Variants in ZC3HC1 observed in about 807,000 individuals in gnomAD.
The protein encoded by ZC3HC1 is zinc finger C3HC-type containing 1.
ZC3HC1 carries 38 observed loss-of-function variants against 61.9 expected under a neutral mutation model. The ratio of observed to expected loss-of-function variants is 0.61; its 90% confidence interval spans 0.47 to 0.81. The LOEUF is 0.81. Ranked by LOEUF, ZC3HC1 falls within the 30% of genes least tolerant of loss-of-function variation. The pLI, the probability that ZC3HC1 is intolerant of heterozygous loss-of-function variation, is 0.00. For missense variants in ZC3HC1, 554 were observed against 622.7 expected (o/e 0.89, Z 1.17); for synonymous variants, 213 against 229.9 (o/e 0.93, Z 0.67).
intron 4 of ZC3HC1, among the ~76,000 whole-genome samples, chr7:130,033,134 G>A (rs1422155189): frequency 6.6e-6 from 1 of 151,968 alleles, no homozygotes; most frequent in Admixed American, 6.6e-5. Context: ...CCAAGCTTAC[G>A]CGATCTTGCC....
At position 130,051,202 on chromosome 7, in the gene ZC3HC1, G is replaced by A. The variant is rs1015258302; in HGVS notation, c.146+19C>T. ...TTCAATCTTCCAACGCCGGACCCAGGGTTAACTCGTGAACTCACGCGTCCA... is the reference window on the plus strand; with the variant it reads ...TTCAATCTTCCAACGCCGGACCCAGAGTTAACTCGTGAACTCACGCGTCCA... On this transcript the variant is annotated intron_variant, in intron 1 of 9. Transcript: ENST00000358303. The A allele has an allele frequency of 8.1e-6, 13 of 1,595,576 alleles. No homozygotes were observed. The highest frequency in any genetic ancestry group is 1.1e-5 in the Non-Finnish European group (13 of 1,172,758).
intron 4 of ZC3HC1, among the ~76,000 whole-genome samples, chr7:130,030,402 G>A (rs940825426): frequency 6.6e-6 from 1 of 151,986 alleles, no homozygotes; most frequent in East Asian, 1.9e-4. Flanking sequence ...GTTTCATCAT[G>A]TTGGCCAGGC....
Position 130,018,554 on chromosome 7 carries a change from TA to T in ZC3HC1, c.*109del. On this transcript the variant is annotated 3_prime_UTR_variant, in exon 10 of 10. Transcript: ENST00000358303. ...GCTATGGCAGGGGGCTCCTTATGAT[TA>T]ACCCAGAACAGGAAAAACTTAGTGT... The T allele has an allele frequency of 1.1e-6, 1 of 908,450 alleles. No individual in the cohort carries two copies. The highest frequency in any genetic ancestry group is 2.5e-5 in the East Asian group (1 of 40,810). 56.3% of individuals were successfully genotyped at this position (908,450 alleles called of 1,614,324 possible). A position where few individuals can be genotyped will look rare whatever the true frequency, so the allele number is the denominator to read the frequency against.
chr7:130,034,991 T>C (rs2116723242), intron 4 of ZC3HC1, among the ~76,000 whole-genome samples: 1 of 152,182 alleles, frequency 6.6e-6, no homozygotes, highest in Middle Eastern at 3.4e-3. Flanking sequence ...TCTTCTATTC[T>C]CCCCACAGGG....
intron 4 of ZC3HC1, among the ~76,000 whole-genome samples, chr7:130,033,445 C>CTTTTTTTT (rs3043729): frequency 3.6e-5 from 3 of 82,852 alleles, no homozygotes; most frequent in African/African-American, 5.0e-5. Context: ...CTATAGCATT[C>CTTTTTTTT]TTTTTTTTTT....
Position 130,020,188 on chromosome 7 carries a change from C to T in ZC3HC1, c.1441-1456G>A, listed in dbSNP as rs1292631926. On this transcript the variant is annotated intron_variant, in intron 9 of 9. Transcript: ENST00000358303. Reference sequence around the variant, plus strand: ...AAGTTCCAGGAGGAAAAAGTTTGAACTCTTACTAATGACTGAGGGAAATTT... The same window carrying T: ...AAGTTCCAGGAGGAAAAAGTTTGAATTCTTACTAATGACTGAGGGAAATTT... 7.9e-5 allele frequency among the ~76,000 whole-genome samples: 12 copies of T among 152,010 alleles called. No individual in the cohort carries two copies. The East Asian group carries it at 2.3e-3, about 29-fold the overall frequency.
Position 130,018,601 on chromosome 7 carries a change from A to C in ZC3HC1, c.*63T>G. 6 of 1,454,182 alleles carry C rather than the reference A, an allele frequency of 4.1e-6. No homozygotes were observed. In the South Asian group the frequency reaches 7.3e-5, roughly 18 times the overall value. The allele number at this position is 1,454,182 out of a possible 1,614,324, so 90.1% of individuals were successfully genotyped here. On this transcript the variant is annotated 3_prime_UTR_variant, in exon 10 of 10. Transcript: ENST00000358303. ...AGTGTCAGCTGACCGAAAGGAACTCAGCCTTAATTTTTCAAAAAGTCACTC... is the reference window on the plus strand; with the variant it reads ...AGTGTCAGCTGACCGAAAGGAACTCCGCCTTAATTTTTCAAAAAGTCACTC...
chr7:130,019,777 T>TACC, intron 9 of ZC3HC1, among the ~76,000 whole-genome samples: 1 of 151,144 alleles, frequency 6.6e-6, no homozygotes. Context: ...GATCCACAGT[T>TACC]ACCTCCAGTT....
At chr7:130,018,779 G>C in intron 9 of ZC3HC1, 47 bp from the exon 10 acceptor site, 1 of 1,512,660 alleles carries the variant, frequency 6.6e-7, no homozygotes, top group Non-Finnish European at 9.2e-7. Flanking sequence ...CTTTTATAGA[G>C]ACAAAGGATA....
intron 4 of ZC3HC1, among the ~76,000 whole-genome samples, chr7:130,035,404 A>C (rs1337135165): frequency 6.6e-6 from 1 of 151,774 alleles, no homozygotes; most frequent in Non-Finnish European, 1.5e-5. Flanking sequence ...AAAAAAAAAA[A>C]AAAACAGCCG....
Position 130,022,540 on chromosome 7 carries a change from A to T in ZC3HC1, c.1234-15T>A. 1 of 1,613,880 alleles carries T rather than the reference A, an allele frequency of 6.2e-7. No individual in the cohort carries two copies. Among genetic ancestry groups the T allele is most frequent in the Non-Finnish European group, 8.5e-7 (1 of 1,179,902 alleles). ...GAAGATGTGTCCTGAGGAAGGAGAAAAAGAAATAGCATTCATAGGTAGATG... is the reference window on the plus strand; with the variant it reads ...GAAGATGTGTCCTGAGGAAGGAGAATAAGAAATAGCATTCATAGGTAGATG... On this transcript the variant is annotated splice_polypyrimidine_tract_variant and intron_variant, in intron 8 of 9. Transcript: ENST00000358303.
chr7:130,047,638 T>TACACACACAC (rs34052360), intron 2 of ZC3HC1, among the ~76,000 whole-genome samples: 62 of 138,214 alleles, frequency 4.5e-4, no homozygotes, highest in Non-Finnish European at 5.9e-4. Flanking sequence ...AGACTTTGTC[T>TACACACACAC]ACACACACAC....
rs1212384131 is a variant in ZC3HC1 at position 130,023,105 on chromosome 7, TATA to T, written c.1233+403_1233+405del. ...ACAATTATTTCATTATATATTACAA[TATA>T]ATAATAATAGAAATAAAGTACACAA... On this transcript the variant is annotated intron_variant, in intron 8 of 9. Coordinates refer to ENST00000358303, the MANE Select transcript of ZC3HC1 (RefSeq NM_016478.5). The surrounding 1 kb of genome is among the most constrained non-coding windows in gnomAD (Gnocchi z 4.2). 3.6e-5 allele frequency: 6 copies of T among 167,788 alleles called. No homozygotes were observed. Among genetic ancestry groups the T allele is most frequent in the Non-Finnish European group, 7.8e-5 (6 of 76,654 alleles). 10.4% of individuals were successfully genotyped at this position (167,788 alleles called of 1,614,324 possible).
intron 1 of ZC3HC1, chr7:130,050,579 T>C: frequency 8.1e-7 from 1 of 1,236,564 alleles, no homozygotes; most frequent in Non-Finnish European, 1.1e-6. Flanking sequence ...AGCATTTTCT[T>C]CAATTATGAA....
At chr7:130,022,616 A>C in intron 8 of ZC3HC1, 91 bp from the exon 9 acceptor site, 1,300 of 1,281,710 alleles carry the variant, frequency 1.0e-3, no homozygotes, top group Non-Finnish European at 1.3e-3. Flanking sequence ...CCAGAATCTC[A>C]CAACTACCCA....
At chr7:130,027,786 C>T (rs535550089) in intron 5 of ZC3HC1, among the ~76,000 whole-genome samples, 22 of 151,968 alleles carry the variant, frequency 1.4e-4, no homozygotes, top group Middle Eastern at 3.4e-3. Context: ...CCCAAAGTGC[C>T]GGGATTACAG....
intron 4 of ZC3HC1, among the ~76,000 whole-genome samples, chr7:130,037,843 C>T (rs1563081823): frequency 6.6e-6 from 1 of 152,188 alleles, no homozygotes; most frequent in Non-Finnish European, 1.5e-5. Context: ...AATAGTGTTG[C>T]TTTTTAACTA....
intron 2 of ZC3HC1, among the ~76,000 whole-genome samples, chr7:130,044,429 C>T (rs1794793788): frequency 1.3e-5 from 2 of 152,140 alleles, no homozygotes; most frequent in Admixed American, 1.3e-4. Flanking sequence ...CCGAGAACAA[C>T]TTGTTCCTGA....
At chr7:130,031,324 C>CAAA (rs71956602) in intron 4 of ZC3HC1, among the ~76,000 whole-genome samples, 1,461 of 111,202 alleles carry the variant, frequency 0.013, 28 homozygotes, top group Non-Finnish European at 0.017. Flanking sequence ...AACTCCATCT[C>CAAA]AAAAAAAAAA....
Sources: gnomAD v4.1 joint callset for allele counts (sites outside exome capture counted in the v4.1 genomes callset) on GRCh38, gnomAD v4.1.1 for gene constraint, Gnocchi (gnomAD v3.1) non-coding constraint, MANE v1.5 for transcripts, NCBI Gene and HGNC (gene_info 2026-07-23, HGNC 2026-07-21) for gene names.